Variants in COBL observed in about 807,000 individuals in gnomAD.
The protein encoded by COBL is cordon-bleu WH2 repeat protein.
In COBL, 51 loss-of-function variants were observed where a neutral mutation model predicts 98.8. The observed-to-expected ratio is 0.52, with a 90% CI of 0.41 to 0.65. COBL has a LOEUF of 0.65. Ranked by LOEUF, COBL falls within the 30% of genes least tolerant of loss-of-function variation. The pLI is 0.00. For synonymous variants in COBL, 634 were observed against 651.7 expected, an observed-to-expected ratio of 0.97 and a Z score of 0.41; for missense variants, 1,617 against 1,617.5, an observed-to-expected ratio of 1.00 and a Z score of 0.01.
chr7:51,037,046 C>T (rs921506135), intron 8 of COBL, among the ~76,000 whole-genome samples: 2 of 152,158 alleles, frequency 1.3e-5, no homozygotes, highest in African/African-American at 4.8e-5. Flanking sequence ...CTCTACTTCC[C>T]CATCCATCTC....
intron 6 of COBL, among the ~76,000 whole-genome samples, chr7:51,090,638 CAG>C (rs996738418): frequency 2.0e-5 from 3 of 152,160 alleles, no homozygotes; most frequent in Non-Finnish European, 4.4e-5. Flanking sequence ...AGAGATCTGC[CAG>C]TGCCACAGGC....
At chr7:51,066,089 G>C (rs532422708) in intron 7 of COBL, among the ~76,000 whole-genome samples, 1 of 152,234 alleles carries the variant, frequency 6.6e-6, no homozygotes, top group Admixed American at 6.5e-5. Context: ...TCAGTGCACT[G>C]TGTTGCTGCG....
At chr7:51,220,534 C>T (rs557003332) in intron 1 of COBL, among the ~76,000 whole-genome samples, 3 of 152,316 alleles carry the variant, frequency 2.0e-5, no homozygotes, top group South Asian at 2.1e-4. Flanking sequence ...GGATTACTAA[C>T]GCATAACCCC....
intron 1 of COBL, among the ~76,000 whole-genome samples, chr7:51,252,514 T>C (rs1796815260): frequency 6.6e-6 from 1 of 152,222 alleles, no homozygotes. Flanking sequence ...TTCTTTCACT[T>C]AGCCTAATGT....
chr7:51,194,801 T>C (rs1014730423), intron 2 of COBL, among the ~76,000 whole-genome samples: 6 of 152,174 alleles, frequency 3.9e-5, no homozygotes, highest in African/African-American at 1.4e-4. Context: ...CACTTTTTCT[T>C]TTTTATTATT....
intron 2 of COBL, among the ~76,000 whole-genome samples, chr7:51,212,305 G>A (rs1792536025): frequency 6.6e-6 from 1 of 152,066 alleles, no homozygotes; most frequent in African/African-American, 2.4e-5. Flanking sequence ...AATCTTAGCA[G>A]AGCCCTAGAC....
intron 1 of COBL, among the ~76,000 whole-genome samples, chr7:51,234,304 T>G (rs1254796429): frequency 6.6e-6 from 1 of 152,184 alleles, no homozygotes; most frequent in Non-Finnish European, 1.5e-5. Flanking sequence ...GCACTTCTTG[T>G]CCACTGTTAG....
intron 7 of COBL, among the ~76,000 whole-genome samples, chr7:51,076,837 G>A (rs1228935809): frequency 6.6e-6 from 1 of 152,146 alleles, no homozygotes; most frequent in African/African-American, 2.4e-5. Context: ...GTAGAAAAAT[G>A]TGTAAGAAAA....
intron 6 of COBL, among the ~76,000 whole-genome samples, chr7:51,101,166 C>T (rs929003831): frequency 2.6e-5 from 4 of 152,176 alleles, no homozygotes; most frequent in Non-Finnish European, 2.9e-5. Flanking sequence ...AGTCATGGTG[C>T]TACTCCTGGT....
chr7:51,063,148 T>C (rs1406180662), intron 7 of COBL, among the ~76,000 whole-genome samples: 4 of 152,008 alleles, frequency 2.6e-5, no homozygotes, highest in African/African-American at 9.7e-5. Flanking sequence ...CTTTTTTTTT[T>C]TTTTTAGATG....
chr7:51,243,500 T>C (rs941869857), intron 1 of COBL, among the ~76,000 whole-genome samples: 3 of 152,176 alleles, frequency 2.0e-5, no homozygotes, highest in Admixed American at 6.5e-5. Flanking sequence ...CTTGTATATA[T>C]CTATGAAAAC....
intron 4 of COBL, among the ~76,000 whole-genome samples, chr7:51,189,397 G>A (rs1291582191): frequency 6.6e-6 from 1 of 152,190 alleles, no homozygotes; most frequent in East Asian, 1.9e-4. Context: ...ATTTTGGGAG[G>A]CCAAGGCAGG....
At chr7:51,134,617 T>G (rs1799049758) in intron 6 of COBL, among the ~76,000 whole-genome samples, 1 of 152,216 alleles carries the variant, frequency 6.6e-6, no homozygotes, top group South Asian at 2.1e-4. Context: ...GACATAATAT[T>G]GATCCTGGAA....
intron 1 of COBL, among the ~76,000 whole-genome samples, chr7:51,271,516 G>T (rs1249794212): frequency 6.6e-6 from 1 of 152,164 alleles, no homozygotes; most frequent in Non-Finnish European, 1.5e-5. Flanking sequence ...AAGGTAATGG[G>T]TGCACAGAGA....
intron 7 of COBL, among the ~76,000 whole-genome samples, chr7:51,063,472 A>C (rs1208155023): frequency 2.0e-5 from 3 of 152,252 alleles, no homozygotes; most frequent in Non-Finnish European, 2.9e-5. Context: ...ATTTGACAAC[A>C]TAATCTTTAT....
intron 7 of COBL, among the ~76,000 whole-genome samples, chr7:51,060,497 C>G (rs138021833): frequency 1.8e-4 from 28 of 151,992 alleles, no homozygotes; most frequent in African/African-American, 6.5e-4. Context: ...AGTAGAGTGG[C>G]CTTTTGAAAA....
At chr7:51,091,940 C>T (rs1583761147) in intron 6 of COBL, among the ~76,000 whole-genome samples, 1 of 152,190 alleles carries the variant, frequency 6.6e-6, no homozygotes, top group Non-Finnish European at 1.5e-5. Flanking sequence ...AAACTTCCAA[C>T]CAAGAATAGT....
intron 4 of COBL, 74 bp downstream of exon 4, chr7:51,190,776 G>T (rs1017373663): frequency 3.3e-6 from 4 of 1,227,990 alleles, no homozygotes; most frequent in African/African-American, 1.5e-5. Flanking sequence ...GCTGGGGAGA[G>T]CCAACAGGGG....
At chr7:51,197,408 G>C (rs754499127) in intron 2 of COBL, among the ~76,000 whole-genome samples, 26 of 151,786 alleles carry the variant, frequency 1.7e-4, no homozygotes, top group Non-Finnish European at 2.7e-4. Context: ...TTTAAGTTTT[G>C]CATTTGCTGA....
Sources: gnomAD v4.1 joint callset for allele counts (sites outside exome capture counted in the v4.1 genomes callset) on GRCh38, gnomAD v4.1.1 for gene constraint, MANE v1.5 for transcripts, NCBI Gene and HGNC (gene_info 2026-07-23, HGNC 2026-07-21) for gene names.